The following CEP192 variants were observed in gnomAD, a reference collection of about 807,000 sequenced individuals.
CEP192 encodes centrosomal protein 192.
CEP192 carries 151 observed loss-of-function variants against 271.8 expected under a neutral mutation model. That is an observed-to-expected ratio of 0.56 (90% CI 0.49 to 0.64). The LOEUF is 0.64. CEP192 is among the 30% of genes least tolerant of loss of function. CEP192 has a pLI of 0.00. For synonymous variants in CEP192, 995 were observed against 1,076.5 expected, an observed-to-expected ratio of 0.92 and a Z score of 1.48; for missense variants, 2,910 against 3,020.5, an observed-to-expected ratio of 0.96 and a Z score of 0.86.
At chr18:13,045,928 A>G (rs1017081954) in intron 15 of CEP192, among the ~76,000 whole-genome samples, 7 of 152,078 alleles carry the variant, frequency 4.6e-5, no homozygotes, top group African/African-American at 1.7e-4. Flanking sequence ...ATCTTTCTGT[A>G]TCTTTATATT....
intron 30 of CEP192, among the ~76,000 whole-genome samples, chr18:13,076,823 G>A (rs1568380398): frequency 1.3e-5 from 2 of 151,794 alleles, no homozygotes; most frequent in Non-Finnish European, 2.9e-5. Context: ...TCACTCTGTC[G>A]CCCAGCCTGG....
intron 44 of CEP192, among the ~76,000 whole-genome samples, chr18:13,123,839 GA>G (rs920319598): frequency 2.0e-5 from 3 of 152,172 alleles, no homozygotes; most frequent in Non-Finnish European, 4.4e-5. Flanking sequence ...ACTGTAATCT[GA>G]AAGTAAAGTT....
In CEP192 at chr18:13,114,042, A is replaced by G. The variant is rs562758003; in HGVS notation, c.7168-88A>G. 1.4e-3 allele frequency: 1,994 copies of G among 1,449,770 alleles called. 2 individuals are homozygous for G. The highest frequency in any genetic ancestry group is 2.5e-3 in the Admixed American group (112 of 44,472). 89.8% of individuals were successfully genotyped at this position (1,449,770 alleles called of 1,614,324 possible). ...TAAATTGCCTTTTAAAAATTTTTAA[A>G]GGAAATGATAGAATTCAAATAAGTA... is the stretch of plus-strand genomic sequence containing the variant. On this transcript the variant is annotated intron_variant, in intron 41 of 44. Coordinates refer to ENST00000506447, the MANE Select transcript of CEP192 (RefSeq NM_032142.4).
chr18:13,070,739 T>A (rs1031554593), intron 27 of CEP192, among the ~76,000 whole-genome samples: 2 of 152,238 alleles, frequency 1.3e-5, no homozygotes, highest in African/African-American at 4.8e-5. Flanking sequence ...TGCCTCTGCC[T>A]GGAATGCTAG....
At chr18:13,045,440 A>G (rs1490964190) in intron 15 of CEP192, among the ~76,000 whole-genome samples, 1 of 152,194 alleles carries the variant, frequency 6.6e-6, no homozygotes, top group Admixed American at 6.5e-5. Context: ...AGGCCTTTGA[A>G]ATTTGTTTAA....
chr18:13,050,002 A>T, intron 17 of CEP192, 111 bp downstream of exon 17: 1 of 855,788 alleles, frequency 1.2e-6, no homozygotes, highest in East Asian at 2.8e-5. Flanking sequence ...CTCAAAGGTA[A>T]CTCTTGTAAG....
chr18:13,112,982 A>G (rs141258050), intron 40 of CEP192, among the ~76,000 whole-genome samples: 383 of 152,380 alleles, frequency 2.5e-3, no homozygotes, highest in Non-Finnish European at 4.3e-3. Flanking sequence ...TAAACATTAC[A>G]GTTTTCTCAT....
In CEP192 at chr18:13,079,790, A is replaced by C. The variant is rs142634963; in HGVS notation, c.5616+6605A>C. ...TTTAAGTCTAACATTTAAGTATTTA[A>C]TCCATCTTGAATTAATTTTTGAATC... is the stretch of plus-strand genomic sequence containing the variant. On this transcript the variant is annotated intron_variant, in intron 30 of 44. Transcript: ENST00000506447. Among the ~76,000 whole-genome samples the C allele has an allele frequency of 4.2e-3, 643 of 152,298 alleles. 5 individuals are homozygous for C. The highest frequency in any genetic ancestry group is 0.014 in the African/African-American group (594 of 41,568).
intron 21 of CEP192, among the ~76,000 whole-genome samples, chr18:13,064,940 C>T (rs2037611380): frequency 1.3e-5 from 2 of 151,724 alleles, no homozygotes; most frequent in South Asian, 4.2e-4. Context: ...TTTTTTGTGT[C>T]CTCTTCAATT....
At chr18:13,012,583 G>A (rs1272735766) in intron 4 of CEP192, among the ~76,000 whole-genome samples, 2 of 152,114 alleles carry the variant, frequency 1.3e-5, no homozygotes, top group African/African-American at 4.8e-5. Context: ...TTATGCTGCA[G>A]CACCTTTGTT....
intron 9 of CEP192, among the ~76,000 whole-genome samples, chr18:13,023,804 T>C (rs2035129630): frequency 6.6e-6 from 1 of 152,188 alleles, no homozygotes; most frequent in South Asian, 2.1e-4. Context: ...ATTAGTATAA[T>C]GTTTTCCTTG....
chr18:13,089,631 A>G, intron 33 of CEP192, 66 bp downstream of exon 33: 1 of 766,772 alleles, frequency 1.3e-6, no homozygotes, highest in South Asian at 1.7e-5. Context: ...ATCTATGTCC[A>G]ATGATGTGAT....
intron 9 of CEP192, among the ~76,000 whole-genome samples, chr18:13,028,737 C>T (rs1568303178): frequency 6.6e-6 from 1 of 152,168 alleles, no homozygotes; most frequent in Non-Finnish European, 1.5e-5. Context: ...CCAGGGTGGT[C>T]TCGAACCCCT....
chr18:13,099,865 A>G (rs756724703), intron 37 of CEP192, among the ~76,000 whole-genome samples: 13 of 152,226 alleles, frequency 8.5e-5, no homozygotes, highest in Non-Finnish European at 1.6e-4. Flanking sequence ...GGGAGGATGT[A>G]TGTAGATATG....
rs191218665 is a variant in CEP192, at chr18:12,996,445, G to A, written c.-4-2976G>A. 1.1e-3 allele frequency among the ~76,000 whole-genome samples: 171 copies of A among 152,252 alleles called. 2 individuals are homozygous for A. The highest frequency in any genetic ancestry group is 0.011 in the Admixed American group (169 of 15,294). On this transcript the variant is annotated intron_variant, in intron 1 of 44. Coordinates refer to ENST00000506447, the MANE Select transcript of CEP192 (RefSeq NM_032142.4). ...AATTGGAATCAAGATTCAAATGTAG[G>A]TGCTTGTTAGACATCTAAGTGGAAG...
chr18:12,995,614 T>C (rs541458185), intron 1 of CEP192, among the ~76,000 whole-genome samples: 2 of 152,328 alleles, frequency 1.3e-5, no homozygotes, highest in South Asian at 4.1e-4. Flanking sequence ...CCTGCCCTCA[T>C]AGAGCTTACA....
chr18:13,061,277 C>A (rs1478033515), intron 21 of CEP192, among the ~76,000 whole-genome samples: 4 of 152,216 alleles, frequency 2.6e-5, no homozygotes, highest in Non-Finnish European at 5.9e-5. Context: ...GAGCTGAAGT[C>A]ACGCTATTGC....
At chr18:13,106,880 G>C (rs748814115) in intron 40 of CEP192, among the ~76,000 whole-genome samples, 2 of 152,194 alleles carry the variant, frequency 1.3e-5, no homozygotes, top group Non-Finnish European at 2.9e-5. Flanking sequence ...ACAAGATGTA[G>C]TTTAAAAACA....
At chr18:13,099,424 C>A in intron 36 of CEP192, 52 bp from the exon 37 acceptor site, 1 of 871,600 alleles carries the variant, frequency 1.1e-6, no homozygotes, top group Non-Finnish European at 1.8e-6. Flanking sequence ...CCTGTGATTA[C>A]TGCTGTTAAA....
Sources: gnomAD v4.1 joint callset for allele counts (sites outside exome capture counted in the v4.1 genomes callset) on GRCh38, gnomAD v4.1.1 for gene constraint, MANE v1.5 for transcripts, NCBI Gene and HGNC (gene_info 2026-07-23, HGNC 2026-07-21) for gene names.